Variants in PDE6B observed in about 807,000 individuals in gnomAD.
The protein encoded by PDE6B is phosphodiesterase 6B, also known as rod cGMP-specific 3',5'-cyclic phosphodiesterase subunit beta.
In PDE6B, 106 loss-of-function variants were observed where a neutral mutation model predicts 109.0. That is an observed-to-expected ratio of 0.97 (90% CI 0.83 to 1.14). The LOEUF (loss-of-function observed/expected upper bound fraction) is 1.14, where lower values mean the gene tolerates loss of function less well. Ranked by LOEUF, PDE6B falls within the 50% of genes most tolerant of loss-of-function variation. PDE6B has a pLI of 0.00. For synonymous variants in PDE6B, 490 were observed against 471.3 expected, an observed-to-expected ratio of 1.04 and a Z score of -0.51; for missense variants, 1,193 against 1,155.6, an observed-to-expected ratio of 1.03 and a Z score of -0.47.
rs963193002 is a variant in PDE6B at position 634,703 on chromosome 4, C to T, written c.495C>T (p.Asp165=). The change falls in exon 2 of 22, where the codon GAC becomes GAT. Residue 165 remains aspartate, a synonymous_variant. Coordinates refer to ENST00000496514, the MANE Select transcript of PDE6B (RefSeq NM_000283.4). ...AECPHFSSFA[D]ELTDYKTKNM... Reference sequence around the variant, plus strand: ...GCCCTCACTTCAGCTCATTTGCTGACGAGCTCACTGACTACAAGACAAAGA... The same window carrying T: ...GCCCTCACTTCAGCTCATTTGCTGATGAGCTCACTGACTACAAGACAAAGA... The T allele has an allele frequency of 5.6e-6, 9 of 1,611,892 alleles. No individual in the cohort carries two copies. Among genetic ancestry groups the T allele is most frequent in the Non-Finnish European group, 7.6e-6 (9 of 1,178,050 alleles).
chr4:653,625 C>A, intron 3 of PDE6B: 1 of 620,850 alleles, frequency 1.6e-6, no homozygotes, highest in South Asian at 1.9e-5. Flanking sequence ...AGGGACACGA[C>A]CGCAGCCTCG....
At position 635,882 on chromosome 4, in the gene PDE6B, G is replaced by A. The variant is rs1273439071; in HGVS notation, c.624G>A (p.Val208=). The A allele has an allele frequency of 1.3e-6, 2 of 1,508,732 alleles. No homozygotes were observed. Among genetic ancestry groups the A allele is most frequent in the Admixed American group, 1.7e-5 (1 of 59,914 alleles). 93.5% of individuals were successfully genotyped at this position (1,508,732 alleles called of 1,614,324 possible). Residue 208 remains valine, a splice_region_variant and synonymous_variant, in exon 3 of 22, where the codon GTG becomes GTA. Transcript: ENST00000496514. ...GPFFTSEDED[V]FLKYLNFATL... is the part of the protein sequence containing the mutation. ...TCTTGTTGCAATTCCTGTTTCAGGT[G>A]TTCTTGAAGTACCTGAATTTTGCCA...
At position 665,061 on chromosome 4, in the gene PDE6B, A is replaced by C; in HGVS notation, c.2193+117A>C. ...TTGTTTGCAAGGAGCTCTGAGGGCC[A>C]CCTCGGGGCCAGGCCAGGGCGGCAA... On this transcript the variant is annotated intron_variant, in intron 18 of 21. Coordinates refer to ENST00000496514, the MANE Select transcript of PDE6B (RefSeq NM_000283.4). The surrounding 1 kb of genome is among the most constrained non-coding windows in gnomAD (Gnocchi z 4.0). 1.1e-6 allele frequency: 1 copy of C among 914,208 alleles called. No individual in the cohort carries two copies. The highest frequency in any genetic ancestry group is 1.6e-5 in the African/African-American group (1 of 61,072). 56.6% of individuals were successfully genotyped at this position (914,208 alleles called of 1,614,324 possible).
At chr4:647,686 G>GCAT (rs2109164575) in intron 3 of PDE6B, among the ~76,000 whole-genome samples, 1 of 151,972 alleles carries the variant, frequency 6.6e-6, no homozygotes, top group South Asian at 2.1e-4. Flanking sequence ...ACTCACCATC[G>GCAT]CATCTCGGGT....
rs61733857 is a variant in PDE6B, at chr4:670,068, C to T, written c.2526C>T (p.Gly842=). 0.014 allele frequency: 22,481 copies of T among 1,612,750 alleles called. 199 individuals are homozygous for T. The highest frequency in any genetic ancestry group is 0.016 in the Non-Finnish European group (18,775 of 1,179,262). The change falls in exon 22 of 22, where the codon GGC becomes GGT. Residue 842 remains glycine (G), a synonymous_variant. Coordinates refer to ENST00000496514, the MANE Select transcript of PDE6B (RefSeq NM_000283.4). Reference sequence around the variant, plus strand: ...CAGTAGGCACAGAAATTTGCAATGGCGGCCCAGCACCCAAGTCTTCAACCT... The same window carrying T: ...CAGTAGGCACAGAAATTTGCAATGGTGGCCCAGCACCCAAGTCTTCAACCT... ...AKKVGTEICN[G]GPAPKSSTCC...
intron 3 of PDE6B, among the ~76,000 whole-genome samples, chr4:637,602 C>G (rs2109140766): frequency 6.6e-6 from 1 of 152,332 alleles, no homozygotes. Context: ...CTCCAGGGAG[C>G]CTGGTTCCTT....
intron 6 of PDE6B, chr4:655,536 G>A (rs1736112985): frequency 2.8e-6 from 1 of 358,826 alleles, no homozygotes; most frequent in Non-Finnish European, 5.3e-6. Context: ...CGGAGAGGGA[G>A]GGGTTCCCAA....
chr4:646,310 T>C (rs1339311186), intron 3 of PDE6B, among the ~76,000 whole-genome samples: 1 of 152,034 alleles, frequency 6.6e-6, no homozygotes, highest in Admixed American at 6.5e-5. Context: ...ACTCTCCTCT[T>C]GCTCGCATCG....
intron 17 of PDE6B, 107 bp from the exon 18 acceptor site, chr4:664,774 C>T (rs1329895144): frequency 2.2e-6 from 2 of 900,012 alleles, no homozygotes; most frequent in African/African-American, 1.6e-5. Context: ...CCATTGCACT[C>T]CAGCCTGGGC....
chr4:630,669 C>T (rs944393262), intron 1 of PDE6B, among the ~76,000 whole-genome samples: 17 of 152,190 alleles, frequency 1.1e-4, no homozygotes, highest in African/African-American at 3.9e-4. Flanking sequence ...GAACGAGGGG[C>T]AACCTCACTC....
rs1734132446 is a variant in PDE6B, at chr4:626,843, G to C, written c.468+749G>C. Among the ~76,000 whole-genome samples the C allele has an allele frequency of 6.6e-6, 1 of 152,206 alleles. No homozygotes were observed. The highest frequency in any genetic ancestry group is 2.4e-5 in the African/African-American group (1 of 41,450). On this transcript the variant is annotated intron_variant, in intron 1 of 21. Transcript: ENST00000496514. The surrounding 1 kb of genome is among the most constrained non-coding windows in gnomAD (Gnocchi z 4.6). ...CTGGAGAACAAGAGGGGTGTGAGGT[G>C]CCTGCCAGACTGGGTGAGGGCAGCG...
intron 3 of PDE6B, among the ~76,000 whole-genome samples, chr4:644,506 T>C (rs145918242): frequency 1.4e-3 from 207 of 152,020 alleles, no homozygotes; most frequent in Middle Eastern, 3.4e-3. Context: ...ATTATGTCCA[T>C]TCGAATAACA....
At chr4:658,888 C>G in intron 10 of PDE6B, 64 bp from the exon 11 acceptor site, 1 of 1,181,646 alleles carries the variant, frequency 8.5e-7, no homozygotes, top group Non-Finnish European at 1.3e-6. Context: ...GGGGTGGACG[C>G]ACCGCCGTCA....
chr4:657,651 T>C (rs1736467550), intron 10 of PDE6B, among the ~76,000 whole-genome samples, 157 bp downstream of exon 10: 1 of 119,634 alleles, frequency 8.4e-6, no homozygotes, highest in East Asian at 2.6e-4. Flanking sequence ...GGGCAGGTCG[T>C]CCAGGGGTCA....
chr4:642,601 C>G (rs1734996421), intron 3 of PDE6B, among the ~76,000 whole-genome samples: 1 of 151,976 alleles, frequency 6.6e-6, no homozygotes, highest in Non-Finnish European at 1.5e-5. Flanking sequence ...TGAGACCAGC[C>G]TGGGCAACAT....
chr4:644,877 T>C (rs939114774), intron 3 of PDE6B, among the ~76,000 whole-genome samples: 1 of 152,070 alleles, frequency 6.6e-6, no homozygotes, highest in African/African-American at 2.4e-5. Context: ...CTCTGCCTGC[T>C]GGATGTGCTC....
chr4:662,667 G>A lies in PDE6B; in HGVS notation c.1832+49G>A, dbSNP rs1358275393. 8 of 1,180,044 alleles carry A rather than the reference G, an allele frequency of 6.8e-6. No individual in the cohort carries two copies. Among genetic ancestry groups the A allele is most frequent in the African/African-American group, 4.5e-5 (3 of 66,638 alleles). The allele number at this position is 1,180,044 out of a possible 1,614,324, so 73.1% of individuals were successfully genotyped here. ...TGAATTAGCCCTAAATCAACTCCAC[G>A]CCCTTGGCGTGAATTAGGCTTCGCA... On this transcript the variant is annotated intron_variant, in intron 14 of 21. Transcript: ENST00000496514. The surrounding 1 kb of genome is among the most constrained non-coding windows in gnomAD (Gnocchi z 4.3).
Position 662,117 on chromosome 4 carries a change from CCTCTCGG to C in PDE6B, c.1615-13_1615-7del. 1 of 1,339,128 alleles carries C rather than the reference CCTCTCGG, an allele frequency of 7.5e-7. No homozygotes were observed. Among genetic ancestry groups the C allele is most frequent in the Middle Eastern group, 1.8e-4 (1 of 5,608 alleles). 83.0% of individuals were successfully genotyped at this position (1,339,128 alleles called of 1,614,324 possible). ...CACGCTTGCCGCCGGAGCCCTGTGT[CCTCTCGG>C]CTCCCCCAGGTCCTGGTGCGGTTCC... On this transcript the variant is annotated splice_polypyrimidine_tract_variant and intron_variant, in intron 12 of 21. Transcript: ENST00000496514. The surrounding 1 kb of genome is among the most constrained non-coding windows in gnomAD (Gnocchi z 4.3).
At chr4:635,668 C>T (rs1254690476) in intron 2 of PDE6B, among the ~76,000 whole-genome samples, 2 of 152,236 alleles carry the variant, frequency 1.3e-5, no homozygotes, top group Admixed American at 1.3e-4. Context: ...TGTGTCTGTG[C>T]ACACCTGTCT....
Sources: gnomAD v4.1 joint callset for allele counts (sites outside exome capture counted in the v4.1 genomes callset) on GRCh38, gnomAD v4.1.1 for gene constraint, Gnocchi (gnomAD v3.1) non-coding constraint, MANE v1.5 for transcripts, NCBI Gene and HGNC (gene_info 2026-07-23, HGNC 2026-07-21) for gene names.